Variants in ACSM1 observed in about 807,000 individuals in gnomAD.
The protein encoded by ACSM1 is acyl-CoA synthetase medium chain family member 1.
A neutral mutation model predicts 75.8 loss-of-function variants in ACSM1; 79 were observed. The ratio of observed to expected loss-of-function variants is 1.04; its 90% confidence interval spans 0.87 to 1.26. The LOEUF (loss-of-function observed/expected upper bound fraction) is 1.26, where lower values mean the gene tolerates loss of function less well. Ranked by LOEUF, ACSM1 falls within the 50% of genes most tolerant of loss-of-function variation. The pLI, the probability that ACSM1 is intolerant of heterozygous loss-of-function variation, is 0.00. For missense variants in ACSM1, 676 were observed against 720.1 expected, an observed-to-expected ratio of 0.94 and a Z score of 0.70; for synonymous variants, 279 against 265.8, an observed-to-expected ratio of 1.05 and a Z score of -0.48.
chr16:20,671,267 T>C (rs1038846167), intron 5 of ACSM1, among the ~76,000 whole-genome samples: 1 of 152,152 alleles, frequency 6.6e-6, no homozygotes, highest in Admixed American at 6.5e-5. Context: ...CCACATCTCC[T>C]ATGAAGATGC....
intron 6 of ACSM1, among the ~76,000 whole-genome samples, chr16:20,669,217 C>T (rs2019740419): frequency 2.0e-5 from 3 of 152,048 alleles, no homozygotes; most frequent in Admixed American, 2.0e-4. Context: ...TTTCTATGTG[C>T]TAATGTCAGG....
At position 20,682,243 on chromosome 16, in the gene ACSM1, A is replaced by T. The variant is rs1186736105; in HGVS notation, c.611+13T>A. On this transcript the variant is annotated intron_variant, in intron 4 of 13. Coordinates refer to ENST00000520010, the MANE Select transcript of ACSM1 (RefSeq NM_001318890.3). ...TGTACTCAGAGATTATATTCATCAG[A>T]CCAGAGACTCACTTAACCAGCGATC... 1.2e-6 allele frequency: 2 copies of T among 1,611,380 alleles called. No homozygotes were observed. Among genetic ancestry groups the T allele is most frequent in the Admixed American group, 3.3e-5 (2 of 60,010 alleles).
chr16:20,665,204 T>C (rs1315851283), intron 6 of ACSM1, among the ~76,000 whole-genome samples: 1 of 152,002 alleles, frequency 6.6e-6, no homozygotes, highest in Non-Finnish European at 1.5e-5. Flanking sequence ...TCAATGAAAC[T>C]GAGAGCTTGT....
chr16:20,653,479 T>A (rs1409077931), intron 7 of ACSM1, among the ~76,000 whole-genome samples: 1 of 152,196 alleles, frequency 6.6e-6, no homozygotes, highest in Admixed American at 6.5e-5. Context: ...TGTTTGCAGA[T>A]GACATGATTG....
chr16:20,623,648 T>C, intron 13 of ACSM1, 76 bp from the exon 14 acceptor site: 1 of 1,413,204 alleles, frequency 7.1e-7, no homozygotes, highest in African/African-American at 1.4e-5. Flanking sequence ...TCTCCTCCTC[T>C]GCCCCTCCAC....
chr16:20,640,688 C>A, intron 7 of ACSM1, 104 bp from the exon 8 acceptor site: 1 of 1,539,296 alleles, frequency 6.5e-7, no homozygotes, highest in South Asian at 1.2e-5. Flanking sequence ...TAGTTCCTCA[C>A]TTTCTTATTT....
At chr16:20,676,701 G>A (rs1018926070) in intron 4 of ACSM1, among the ~76,000 whole-genome samples, 3 of 152,216 alleles carry the variant, frequency 2.0e-5, no homozygotes, top group East Asian at 1.9e-4. Flanking sequence ...AGGCATGGTC[G>A]TGGGCGTGAA....
intron 4 of ACSM1, among the ~76,000 whole-genome samples, chr16:20,672,462 AAAAAAAAAAAT>A (rs1167786519): frequency 1.0e-4 from 12 of 114,536 alleles, no homozygotes; most frequent in Non-Finnish European, 1.7e-4. Flanking sequence ...AAAAAAAAAA[AAAAAAAAAAAT>A]ATATATATAT....
At chr16:20,682,508 A>G (rs761045785) in intron 3 of ACSM1, 45 bp from the exon 4 acceptor site, 103 of 1,523,724 alleles carry the variant, frequency 6.8e-5, no homozygotes, top group Non-Finnish European at 9.1e-5. Context: ...CTTTTTCACA[A>G]CCATGGGCTT....
At chr16:20,634,928 A>G (rs2017572010) in intron 10 of ACSM1, among the ~76,000 whole-genome samples, 1 of 152,220 alleles carries the variant, frequency 6.6e-6, no homozygotes, top group African/African-American at 2.4e-5. Flanking sequence ...GGTAGTAAGT[A>G]GCCTTAGAAG....
At chr16:20,671,440 GACAC>G (rs55913255) in intron 5 of ACSM1, 87 bp downstream of exon 5, 52,178 of 951,950 alleles carry the variant, frequency 0.055, 24 homozygotes, top group East Asian at 0.11. Flanking sequence ...CCTTTCCCAA[GACAC>G]ACACACACAC....
At chr16:20,634,960 T>C (rs961946563) in intron 10 of ACSM1, among the ~76,000 whole-genome samples, 3 of 152,180 alleles carry the variant, frequency 2.0e-5, no homozygotes, top group African/African-American at 7.2e-5. Context: ...GGTCTCATGG[T>C]AATTCTGTAA....
intron 6 of ACSM1, among the ~76,000 whole-genome samples, chr16:20,669,482 A>ACACACACACACC (rs1420663593): frequency 2.8e-5 from 4 of 142,394 alleles, no homozygotes; most frequent in African/African-American, 1.0e-4. Flanking sequence ...ACACACACAC[A>ACACACACACACC]CCCCAGCTGC....
chr16:20,630,118 C>A (rs1161990031), intron 10 of ACSM1, among the ~76,000 whole-genome samples: 2 of 148,668 alleles, frequency 1.3e-5, no homozygotes, highest in African/African-American at 4.9e-5. Flanking sequence ...ACAGAAAAAA[C>A]TTGTTTTTTT....
intron 6 of ACSM1, among the ~76,000 whole-genome samples, chr16:20,663,738 C>CT (rs2019413632): frequency 6.6e-6 from 1 of 150,648 alleles, no homozygotes; most frequent in African/African-American, 2.4e-5. Context: ...TTGCTGGTAT[C>CT]TTTCTACTTT....
At chr16:20,640,219 T>A (rs1293194378) in intron 8 of ACSM1, among the ~76,000 whole-genome samples, 2 of 152,208 alleles carry the variant, frequency 1.3e-5, no homozygotes, top group Non-Finnish European at 2.9e-5. Context: ...CTCTCACATG[T>A]AAACAGCTGA....
At chr16:20,665,638 A>G (rs974443479) in intron 6 of ACSM1, among the ~76,000 whole-genome samples, 1 of 152,168 alleles carries the variant, frequency 6.6e-6, no homozygotes, top group Non-Finnish European at 1.5e-5. Flanking sequence ...CATTCTATGA[A>G]GCCAGAATGC....
intron 4 of ACSM1, among the ~76,000 whole-genome samples, chr16:20,677,817 G>A (rs1251893620): frequency 2.0e-5 from 3 of 151,954 alleles, no homozygotes; most frequent in Non-Finnish European, 4.4e-5. Context: ...TATTTACACA[G>A]ATTCCAAATA....
intron 4 of ACSM1, chr16:20,674,175 C>A (rs1182682738): frequency 2.4e-6 from 1 of 410,162 alleles, no homozygotes; most frequent in Non-Finnish European, 4.9e-6. Context: ...AACCCAGTTG[C>A]CCCAGAGGAA....
Sources: gnomAD v4.1 joint callset for allele counts (sites outside exome capture counted in the v4.1 genomes callset) on GRCh38, gnomAD v4.1.1 for gene constraint, MANE v1.5 for transcripts, NCBI Gene and HGNC (gene_info 2026-07-23, HGNC 2026-07-21) for gene names.